The following LHFPL2 variants were observed in gnomAD, a reference collection of about 807,000 sequenced individuals.
LHFPL2 encodes LHFPL tetraspan subfamily member 2, also known as LHFPL tetraspan subfamily member 2 protein.
LHFPL2 carries 7 observed loss-of-function variants against 17.5 expected under a neutral mutation model. The ratio of observed to expected loss-of-function variants is 0.40; its 90% CI spans 0.23 to 0.75. The LOEUF is 0.75. Ranked by LOEUF, LHFPL2 falls within the 30% of genes least tolerant of loss-of-function variation. The probability of loss-of-function intolerance (pLI) is 0.37; values close to 1 mark genes in which losing one functional copy is unlikely to be tolerated. For missense variants in LHFPL2, 241 were observed against 294.8 expected, an observed-to-expected ratio of 0.82 and a Z score of 1.34; for synonymous variants, 134 against 116.2, an observed-to-expected ratio of 1.15 and a Z score of -0.99.
intron 1 of LHFPL2, among the ~76,000 whole-genome samples, chr5:78,642,654 T>C (rs913147823): frequency 2.0e-5 from 3 of 151,900 alleles, no homozygotes; most frequent in African/African-American, 7.3e-5. Flanking sequence ...TAAAAAGAAC[T>C]CCCTCTATCA....
At chr5:78,617,358 C>A (rs1744658619) in intron 2 of LHFPL2, among the ~76,000 whole-genome samples, 1 of 152,160 alleles carries the variant, frequency 6.6e-6, no homozygotes, top group Non-Finnish European at 1.5e-5. Flanking sequence ...ACAGGAACTC[C>A]ACACTTATGT....
At chr5:78,582,744 G>GA (rs1054829464) in intron 2 of LHFPL2, among the ~76,000 whole-genome samples, 10 of 152,150 alleles carry the variant, frequency 6.6e-5, no homozygotes, top group East Asian at 1.9e-4. Context: ...GTGTGGTGCT[G>GA]AAAAAAATGT....
At chr5:78,616,251 T>C (rs1188834181) in intron 2 of LHFPL2, among the ~76,000 whole-genome samples, 1 of 152,110 alleles carries the variant, frequency 6.6e-6, no homozygotes, top group Non-Finnish European at 1.5e-5. Context: ...CTCAACCTCC[T>C]GAGTAGCTGG....
At chr5:78,616,400 T>A (rs943634140) in intron 2 of LHFPL2, among the ~76,000 whole-genome samples, 1 of 152,166 alleles carries the variant, frequency 6.6e-6, no homozygotes, top group Non-Finnish European at 1.5e-5. Context: ...GTGCTGGGAT[T>A]ACAGGCATGA....
intron 3 of LHFPL2, among the ~76,000 whole-genome samples, chr5:78,519,473 C>T (rs1218086226): frequency 6.6e-6 from 1 of 152,152 alleles, no homozygotes; most frequent in Non-Finnish European, 1.5e-5. Context: ...AAACCCCTCA[C>T]CTCCACCCGT....
chr5:78,627,426 G>A (rs565616290), intron 2 of LHFPL2, among the ~76,000 whole-genome samples: 17 of 152,212 alleles, frequency 1.1e-4, no homozygotes, highest in African/African-American at 3.9e-4. Context: ...CTGCTTTTGG[G>A]GAATGGTGCC....
intron 3 of LHFPL2, among the ~76,000 whole-genome samples, chr5:78,526,650 G>A (rs765685358): frequency 6.6e-6 from 1 of 152,196 alleles, no homozygotes; most frequent in African/African-American, 2.4e-5. Flanking sequence ...ATTCAACAAT[G>A]TGCCCCAACC....
chr5:78,535,439 C>T (rs1217619979), intron 3 of LHFPL2, among the ~76,000 whole-genome samples: 1 of 152,174 alleles, frequency 6.6e-6, no homozygotes, highest in Non-Finnish European at 1.5e-5. Flanking sequence ...GGGGATTGTC[C>T]ACGATGGCTA....
At chr5:78,519,172 G>C (rs1196754053) in intron 3 of LHFPL2, among the ~76,000 whole-genome samples, 1 of 151,992 alleles carries the variant, frequency 6.6e-6, no homozygotes, top group African/African-American at 2.4e-5. Flanking sequence ...AGAGAGACGC[G>C]AGGCAAGAGA....
intron 1 of LHFPL2, among the ~76,000 whole-genome samples, chr5:78,633,726 T>C (rs1257127413): frequency 1.3e-5 from 2 of 152,214 alleles, no homozygotes; most frequent in African/African-American, 4.8e-5. Flanking sequence ...GGTAGGGGAC[T>C]GAGCCACCTT....
At position 78,623,164 on chromosome 5, in the gene LHFPL2, T is replaced by C. The variant is rs191105575; in HGVS notation, c.-245+9100A>G. Among the ~76,000 whole-genome samples the C allele has an allele frequency of 5.9e-5, 9 of 152,352 alleles. No individual in the cohort carries two copies. The East Asian group carries it at 1.7e-3, about 29-fold the overall frequency. On this transcript the variant is annotated intron_variant, in intron 2 of 4. Coordinates refer to ENST00000380345, the MANE Select transcript of LHFPL2 (RefSeq NM_005779.3). ...TCCATATAAAACTGTACTTAAGTGA[T>C]TTAGACCTTATTCAGGGAGTCATTA...
At chr5:78,598,039 C>A (rs1434657506) in intron 2 of LHFPL2, among the ~76,000 whole-genome samples, 1 of 152,140 alleles carries the variant, frequency 6.6e-6, no homozygotes, top group African/African-American at 2.4e-5. Context: ...AATACAAAGA[C>A]CCCTTAAGGC....
At chr5:78,570,630 T>C (rs1756973031) in intron 2 of LHFPL2, among the ~76,000 whole-genome samples, 2 of 146,580 alleles carry the variant, frequency 1.4e-5, no homozygotes, top group African/African-American at 2.6e-5. Flanking sequence ...TACGTATATA[T>C]ATAGTATATA....
At chr5:78,643,321 A>C (rs1448226824) in intron 1 of LHFPL2, among the ~76,000 whole-genome samples, 1 of 152,140 alleles carries the variant, frequency 6.6e-6, no homozygotes, top group Non-Finnish European at 1.5e-5. Flanking sequence ...CCAAGTATTC[A>C]CTCTTTTCTT....
chr5:78,556,811 A>C (rs1756582603), intron 3 of LHFPL2, among the ~76,000 whole-genome samples: 2 of 152,248 alleles, frequency 1.3e-5, no homozygotes, highest in Admixed American at 1.3e-4. Context: ...ATGTACAAAA[A>C]GGGATACTCT....
intron 2 of LHFPL2, among the ~76,000 whole-genome samples, chr5:78,592,825 C>T (rs1318797409): frequency 6.6e-6 from 1 of 152,112 alleles, no homozygotes; most frequent in African/African-American, 2.4e-5. Flanking sequence ...TACTCCTGGC[C>T]ATCCAGATTA....
At chr5:78,609,341 T>G (rs1037817482) in intron 2 of LHFPL2, among the ~76,000 whole-genome samples, 17 of 150,476 alleles carry the variant, frequency 1.1e-4, no homozygotes, top group African/African-American at 4.2e-4. Flanking sequence ...ATCCCAGCTA[T>G]TTGGGAGGCT....
At chr5:78,612,707 A>G (rs1744462389) in intron 2 of LHFPL2, among the ~76,000 whole-genome samples, 1 of 152,240 alleles carries the variant, frequency 6.6e-6, no homozygotes, top group Non-Finnish European at 1.5e-5. Context: ...AATCACTTCT[A>G]TGAAACCAGC....
At chr5:78,556,771 G>A (rs1756581791) in intron 3 of LHFPL2, among the ~76,000 whole-genome samples, 1 of 152,096 alleles carries the variant, frequency 6.6e-6, no homozygotes, top group Non-Finnish European at 1.5e-5. Flanking sequence ...GTTATATACA[G>A]AGTAAGAACT....
Sources: allele counts gnomAD v4.1 joint callset (sites outside exome capture counted in the v4.1 genomes callset), GRCh38; gene constraint gnomAD v4.1.1; transcripts MANE v1.5; gene names NCBI Gene and HGNC (gene_info 2026-07-23, HGNC 2026-07-21).